Variants in PNISR observed in about 807,000 individuals in gnomAD.
PNISR encodes the protein arginine/serine-rich protein PNISR.
In PNISR, 20 loss-of-function variants were observed where a neutral mutation model predicts 93.4. The observed-to-expected ratio is 0.21, with a 90% CI of 0.15 to 0.31. The LOEUF (loss-of-function observed/expected upper bound fraction) is 0.31, where lower values mean the gene tolerates loss of function less well. PNISR is among the 10% of genes least tolerant of loss of function. The probability of loss-of-function intolerance (pLI) is 1.00; values close to 1 mark genes in which losing one functional copy is unlikely to be tolerated. For synonymous variants in PNISR, 305 were observed against 306.5 expected, an observed-to-expected ratio of 0.99 and a Z score of 0.05; for missense variants, 893 against 985.4, an observed-to-expected ratio of 0.91 and a Z score of 1.25.
chr6:99,423,968 G>A (rs1779033165), intron 1 of PNISR, among the ~76,000 whole-genome samples: 1 of 151,930 alleles, frequency 6.6e-6, no homozygotes, highest in African/African-American at 2.4e-5. Flanking sequence ...TTAATATATT[G>A]GGCTAAGGTC....
Position 99,412,496 on chromosome 6 carries a change from A to C in PNISR, c.277+55T>G, listed in dbSNP as rs184711597. 1,585 of 1,249,902 alleles carry C rather than the reference A, an allele frequency of 1.3e-3. 1 individual carries two copies. The highest frequency in any genetic ancestry group is 1.6e-3 in the Non-Finnish European group (1,434 of 880,182). 77.4% of individuals were successfully genotyped at this position (1,249,902 alleles called of 1,614,324 possible). Reference sequence around the variant, plus strand: ...TAAGCAAATTAAAAAATTTAATAATAATCTTCATTCTGTTTTTTAAAAGTC... The same window carrying C: ...TAAGCAAATTAAAAAATTTAATAATCATCTTCATTCTGTTTTTTAAAAGTC... On this transcript the variant is annotated intron_variant, in intron 4 of 11. Transcript: ENST00000369239.
chr6:99,423,713 C>G (rs1778969238), intron 1 of PNISR, among the ~76,000 whole-genome samples: 1 of 152,154 alleles, frequency 6.6e-6, no homozygotes, highest in Non-Finnish European at 1.5e-5. Context: ...TGACCATACT[C>G]CTCAAAAAAT....
In PNISR at chr6:99,406,020, T is replaced by A. The variant is rs1776120843; in HGVS notation, c.1002+11A>T. On this transcript the variant is annotated intron_variant, in intron 8 of 11. Transcript: ENST00000369239. Reference sequence around the variant, plus strand: ...AAATCCATGTACATAGTAAGAACTTTAACATTCTACCATTTGATACTCTTT... The same window carrying A: ...AAATCCATGTACATAGTAAGAACTTAAACATTCTACCATTTGATACTCTTT... The A allele has an allele frequency of 1.3e-6, 2 of 1,593,516 alleles. No homozygotes were observed. The highest frequency in any genetic ancestry group is 2.7e-5 in the African/African-American group (2 of 73,914).
chr6:99,425,295 G>T lies in PNISR; in HGVS notation c.-192C>A, dbSNP rs528322071. ...GCTTTCGATGCTTCTACTTCTTCGG[G>T]AACAAGACAAGATGGCGCCCGATTT... On this transcript the variant is annotated 5_prime_UTR_variant, in exon 1 of 12. Coordinates refer to ENST00000369239, the MANE Select transcript of PNISR (RefSeq NM_032870.4). The T allele has an allele frequency of 1.6e-6, 2 of 1,232,032 alleles. No individual in the cohort carries two copies. The highest frequency in any genetic ancestry group is 4.2e-5 in the Admixed American group (1 of 23,710). 76.3% of individuals were successfully genotyped at this position (1,232,032 alleles called of 1,614,324 possible).
At chr6:99,423,159 T>C (rs1164757802) in intron 1 of PNISR, among the ~76,000 whole-genome samples, 2 of 150,666 alleles carry the variant, frequency 1.3e-5, no homozygotes, top group Admixed American at 6.6e-5. Flanking sequence ...AAAAAAAAAA[T>C]TGATAGGAAC....
intron 9 of PNISR, 180 bp from the exon 10 acceptor site, chr6:99,404,062 T>G (rs1775838478): frequency 3.6e-6 from 2 of 554,548 alleles, no homozygotes; most frequent in African/African-American, 3.8e-5. Flanking sequence ...ATTATAACTC[T>G]GATGTGAGCT....
In PNISR at chr6:99,424,256, T is replaced by C. The variant is rs543490875; in HGVS notation, c.-112+959A>G. Among the ~76,000 whole-genome samples, 237 of 152,350 alleles carry C rather than the reference T, an allele frequency of 1.6e-3. 2 individuals are homozygous for C. The highest frequency in any genetic ancestry group is 0.01 in the Middle Eastern group (3 of 294). On this transcript the variant is annotated intron_variant, in intron 1 of 11. Transcript: ENST00000369239. ...AGGAAGTAGGAATAAACTATGGACC[T>C]TAGTTAATAATTTATCATTATTGGT...
At chr6:99,408,314 A>AT in intron 6 of PNISR, 43 bp from the exon 7 acceptor site, 1 of 1,332,876 alleles carries the variant, frequency 7.5e-7, no homozygotes, top group African/African-American at 1.5e-5. Context: ...GTTAAGTAAA[A>AT]TATTTCTACA....
At chr6:99,402,475 G>C in intron 11 of PNISR, 65 bp downstream of exon 11, 1 of 776,408 alleles carries the variant, frequency 1.3e-6, no homozygotes, top group Non-Finnish European at 2.0e-6. Flanking sequence ...ATATTTTTAG[G>C]TTAGTTAAAA....
chr6:99,416,316 C>A, intron 2 of PNISR, 33 bp downstream of exon 2: 1 of 675,216 alleles, frequency 1.5e-6, no homozygotes, highest in South Asian at 7.6e-5. Context: ...TAGGAAACAC[C>A]AAGAAGACAC....
At chr6:99,424,873 C>CCCCATGAACCCCCTTCCCACAA (rs1779251097) in intron 1 of PNISR, 4 of 207,054 alleles carry the variant, frequency 1.9e-5, no homozygotes, top group African/African-American at 9.2e-5. Context: ...CCTCCTCCGC[C>CCCCATGAACCCCCTTCCCACAA]CCCATGAACC....
chr6:99,404,760 A>G, intron 8 of PNISR, 58 bp from the exon 9 acceptor site: 1 of 844,082 alleles, frequency 1.2e-6, no homozygotes, highest in Non-Finnish European at 1.9e-6. Flanking sequence ...ATAGTGTGAC[A>G]TCTTCAAAAA....
At chr6:99,423,730 G>C (rs1206517098) in intron 1 of PNISR, among the ~76,000 whole-genome samples, 2 of 152,162 alleles carry the variant, frequency 1.3e-5, no homozygotes, top group African/African-American at 4.8e-5. Flanking sequence ...AAATGTCAAG[G>C]TCACTGTATT....
chr6:99,406,053 T>G lies in PNISR; in HGVS notation c.980A>C (p.Glu327Ala). The G allele has an allele frequency of 6.2e-7, 1 of 1,610,208 alleles. No homozygotes were observed. Among genetic ancestry groups the G allele is most frequent in the Non-Finnish European group, 8.5e-7 (1 of 1,177,434 alleles). The change falls in exon 8 of 12, where the codon GAA becomes GCA. Residue 327 changes from glutamate (E) to alanine (A), a missense_variant. Physicochemically the swap from Glu to Ala is moderately radical, Grantham distance 107. This residue lies in a region of PNISR where 866 missense variants were observed against 935.1 expected (regional missense o/e 0.93). Coordinates refer to ENST00000369239, the MANE Select transcript of PNISR (RefSeq NM_032870.4). ...QEEHSDPEMT[E>A]EEKEYQMMLL... ...TACCATTTGATACTCTTTCTCCTCT[T>G]CAGTCATCTCAGGGTCACTGTGCTC...
chr6:99,424,950 T>C (rs1779283175), intron 1 of PNISR: 1 of 315,470 alleles, frequency 3.2e-6, no homozygotes, highest in Non-Finnish European at 5.7e-6. Context: ...AACCCAACAA[T>C]TAGTCCCTTC....
In PNISR at chr6:99,425,242, GC is replaced by G; in HGVS notation, c.-140del. 1 of 1,232,086 alleles carries G rather than the reference GC, an allele frequency of 8.1e-7. No homozygotes were observed. Among genetic ancestry groups the G allele is most frequent in the East Asian group, 3.2e-5 (1 of 31,710 alleles). The allele number at this position is 1,232,086 out of a possible 1,614,324, so 76.3% of individuals were successfully genotyped here. A position where few individuals can be genotyped will look rare whatever the true frequency, so the allele number is the denominator to read the frequency against. On this transcript the variant is annotated 5_prime_UTR_variant, in exon 1 of 12. Coordinates refer to ENST00000369239, the MANE Select transcript of PNISR (RefSeq NM_032870.4). The stretch of plus-strand genomic sequence containing the variant: ...ACTCTAGTTCGGGAACACCCTTGTC[GC>G]CGCCGTTCCGGTAACACCTCTCCAA...
At chr6:99,410,442 T>C (rs1776763860) in intron 5 of PNISR, 1 of 308,306 alleles carries the variant, frequency 3.2e-6, no homozygotes, top group South Asian at 5.1e-5. Flanking sequence ...CATTTAAATA[T>C]ACCATTTTGA....
intron 3 of PNISR, 34 bp from the exon 4 acceptor site, chr6:99,412,773 A>G (rs984618127): frequency 7.4e-7 from 1 of 1,355,538 alleles, no homozygotes; most frequent in Non-Finnish European, 1.0e-6. Flanking sequence ...CAGCATTCAG[A>G]ATGTAGGAGT....
chr6:99,410,094 A>G (rs1776714310), intron 5 of PNISR: 1 of 152,244 alleles, frequency 6.6e-6, no homozygotes, highest in African/African-American at 2.4e-5. Context: ...TTATGATAGC[A>G]GTTTATAAGT....
Sources: allele counts gnomAD v4.1 joint callset (sites outside exome capture counted in the v4.1 genomes callset), GRCh38; gene constraint gnomAD v4.1.1; regional missense constraint gnomAD v4.1.1; transcripts MANE v1.5; gene names NCBI Gene and HGNC (gene_info 2026-07-23, HGNC 2026-07-21).